DMPK: variants seen among roughly 807,000 people sequenced by gnomAD.
DMPK encodes the protein DM1 protein kinase.
DMPK carries 32 observed loss-of-function variants against 70.3 expected under a neutral mutation model. The observed-to-expected ratio is 0.46, with a 90% CI of 0.34 to 0.61. The LOEUF is 0.61. DMPK is among the 20% of genes least tolerant of loss of function. The probability of loss-of-function intolerance (pLI) is 0.01; values close to 1 mark genes in which losing one functional copy is unlikely to be tolerated. For synonymous variants in DMPK, 469 were observed against 390.9 expected (o/e 1.20, Z -2.36); for missense variants, 899 against 886.0 (o/e 1.01, Z -0.19).
intron 8 of DMPK, chr19:45,776,867 T>G (rs1417104380): frequency 6.3e-6 from 1 of 159,324 alleles, no homozygotes; most frequent in Admixed American, 6.1e-5. Context: ...GGACCAGAGC[T>G]CATCTGGTCC....
At position 45,777,210 on chromosome 19, in the gene DMPK, G is replaced by A. The variant is rs1969819409; in HGVS notation, c.1146+117C>T. 2 of 1,344,692 alleles carry A rather than the reference G, an allele frequency of 1.5e-6. No homozygotes were observed. The highest frequency in any genetic ancestry group is 1.5e-5 in the South Asian group (1 of 65,556). 83.3% of individuals were successfully genotyped at this position (1,344,692 alleles called of 1,614,324 possible). A position where few individuals can be genotyped will look rare whatever the true frequency, so the allele number is the denominator to read the frequency against. ...CTCAGTAGTAGATGGGCACAGAGCAGGTGCTCTGGGGAATGAGTGATTCAG... is the reference window on the plus strand; with the variant it reads ...CTCAGTAGTAGATGGGCACAGAGCAAGTGCTCTGGGGAATGAGTGATTCAG... On this transcript the variant is annotated intron_variant, in intron 8 of 14. Transcript: ENST00000291270. This position sits in a 1 kb window ranked among gnomAD's most constrained non-coding sequence, Gnocchi z 6.7.
intron 1 of DMPK, among the ~76,000 whole-genome samples, chr19:45,781,290 G>C (rs1177067875): frequency 2.0e-5 from 3 of 152,256 alleles, no homozygotes; most frequent in African/African-American, 7.2e-5. Flanking sequence ...AAAGAAACCA[G>C]TGACCAGTGA....
intron 9 of DMPK, among the ~76,000 whole-genome samples, chr19:45,773,090 A>G (rs1969567165): frequency 6.6e-6 from 1 of 152,192 alleles, no homozygotes; most frequent in South Asian, 2.1e-4. Flanking sequence ...GCCTCAGGAC[A>G]GGGAGGCCGA....
At position 45,777,374 on chromosome 19, in the gene DMPK, A is replaced by T; in HGVS notation, c.1099T>A (p.Phe367Ile). ...DFEGATDTCNFDLVEDGLTAM... is the reference protein window; with the variant it reads ...DFEGATDTCNIDLVEDGLTAM... ...GTGAGCCCGTCCTCCACCAAGTCGA[A>T]GTTGCATGTGTCGGTGGCACCTTCG... The change falls in exon 8 of 15, where the codon TTC (phenylalanine) becomes ATC (isoleucine). Residue 367 changes from phenylalanine to isoleucine, a missense_variant. Physicochemically the swap from Phe to Ile is conservative, Grantham distance 21. This residue lies in a region of DMPK where 555 missense variants were observed against 483.8 expected (regional missense o/e 1.15). Transcript: ENST00000291270. The surrounding 1 kb of genome is among the most constrained non-coding windows in gnomAD (Gnocchi z 6.7). The T allele has an allele frequency of 6.2e-7, 1 of 1,607,486 alleles. No homozygotes were observed. Among genetic ancestry groups the T allele is most frequent in the African/African-American group, 1.3e-5 (1 of 74,920 alleles).
chr19:45,774,044 C>A (rs7257693), intron 9 of DMPK, among the ~76,000 whole-genome samples: 1 of 151,450 alleles, frequency 6.6e-6, no homozygotes, highest in Non-Finnish European at 1.5e-5. Context: ...ACAACCTCCC[C>A]CTCCTGGGTT....
At position 45,771,658 on chromosome 19, in the gene DMPK, G is replaced by A. The variant is rs745965249; in HGVS notation, c.1510C>T (p.Arg504Cys). ...TDNQNFASQLREAEARNRDLE... is the reference protein window; with the variant it reads ...TDNQNFASQLCEAEARNRDLE... Reference sequence around the variant, plus strand: ...TCCCGGTTCCGAGCCTCTGCCTCGCGTAGTTGACTGTGGGGAGGTAAGGAC... The same window carrying A: ...TCCCGGTTCCGAGCCTCTGCCTCGCATAGTTGACTGTGGGGAGGTAAGGAC... Residue 504 changes from arginine to cysteine, a missense_variant, in exon 12 of 15, where the codon CGC (arginine) becomes TGC (cysteine). Arg to Cys is a radical substitution (Grantham distance 180). Coordinates refer to ENST00000291270, the MANE Select transcript of DMPK (RefSeq NM_004409.5). 5 of 1,613,810 alleles carry A rather than the reference G, an allele frequency of 3.1e-6. No individual in the cohort carries two copies. The highest frequency in any genetic ancestry group is 3.3e-5 in the Admixed American group (2 of 60,006).
Position 45,777,492 on chromosome 19 carries a change from C to A in DMPK, c.981G>T (p.Arg327=), listed in dbSNP as rs1969837664. Residue 327 remains arginine (R), a synonymous_variant, in exon 8 of 15, where the codon CGG becomes CGT. Transcript: ENST00000291270. This position sits in a 1 kb window ranked among gnomAD's most constrained non-coding sequence, Gnocchi z 6.7. ...LLCPPETRLG[R]GGAGDFRTHP... is the part of the protein sequence containing the mutation. ...GTGTCCGGAAGTCGCCTGCTCCACC[C>A]CGGCCCAGCCGTGTCTCCGGGGGAC... The A allele has an allele frequency of 6.2e-7, 1 of 1,613,380 alleles. No individual in the cohort carries two copies. The highest frequency in any genetic ancestry group is 1.1e-5 in the South Asian group (1 of 91,094).
chr19:45,772,800 C>G (rs368265414), intron 9 of DMPK, 48 bp from the exon 10 acceptor site: 1 of 1,124,644 alleles, frequency 8.9e-7, no homozygotes, highest in South Asian at 2.0e-5. Context: ...TGCTGATTCT[C>G]TGGTGGAGAA....
rs1234540779 is a variant in DMPK at position 45,771,674 on chromosome 19, AG to A, written c.1503-10del. 6.2e-7 allele frequency: 1 copy of A among 1,613,628 alleles called. No homozygotes were observed. Among genetic ancestry groups the A allele is most frequent in the African/African-American group, 1.3e-5 (1 of 74,958 alleles). ...CTGCCTCGCGTAGTTGACTGTGGGG[AG>A]GTAAGGACGGTGAGTCCGTCCGGGC... On this transcript the variant is annotated splice_polypyrimidine_tract_variant and intron_variant, in intron 11 of 14. Coordinates refer to ENST00000291270, the MANE Select transcript of DMPK (RefSeq NM_004409.5).
At chr19:45,781,728 C>G (rs536367261) in intron 1 of DMPK, among the ~76,000 whole-genome samples, 1 of 152,292 alleles carries the variant, frequency 6.6e-6, no homozygotes, top group Admixed American at 6.5e-5. Flanking sequence ...AGGCTGGCGC[C>G]GAACACCTGC....
Position 45,770,693 on chromosome 19 carries a change from G to A in DMPK, c.1738-53C>T. 2.6e-6 allele frequency: 4 copies of A among 1,532,360 alleles called. No homozygotes were observed. The South Asian group carries it at 3.7e-5, about 14-fold the overall frequency. The allele number at this position is 1,532,360 out of a possible 1,614,324, so 94.9% of individuals were successfully genotyped here. On this transcript the variant is annotated intron_variant, in intron 14 of 14. Transcript: ENST00000291270. ...CGGCATGGGCCTCTGATTGGCTCCT[G>A]GGACTCGCCCCGCCTACGCCCATAG...
intron 11 of DMPK, 27 bp downstream of exon 11, chr19:45,771,744 G>T (rs1259653952): frequency 6.3e-7 from 1 of 1,583,278 alleles, no homozygotes; most frequent in Non-Finnish European, 8.6e-7. Flanking sequence ...CCCGCATCCC[G>T]GCCCCGGCCC....
rs1394476002 is a variant in DMPK, at chr19:45,771,655, C to T, written c.1513G>A (p.Glu505Lys). ...DNQNFASQLREAEARNRDLEA... is the reference protein window; with the variant it reads ...DNQNFASQLRKAEARNRDLEA... ...AGGTCCCGGTTCCGAGCCTCTGCCT[C>T]GCGTAGTTGACTGTGGGGAGGTAAG... Residue 505 changes from glutamate (E) to lysine (K), a missense_variant, in exon 12 of 15, where the codon GAG (glutamate) becomes AAG (lysine). Physicochemically the swap from Glu to Lys is moderately conservative, Grantham distance 56 (BLOSUM62 1). This residue lies in a region of DMPK where 555 missense variants were observed against 483.8 expected (regional missense o/e 1.15). Transcript: ENST00000291270. 6.8e-6 allele frequency: 11 copies of T among 1,613,842 alleles called. No individual in the cohort carries two copies. The highest frequency in any genetic ancestry group is 3.3e-4 in the Middle Eastern group (2 of 6,084).
intron 10 of DMPK, chr19:45,772,229 A>C (rs1969501758): frequency 2.4e-6 from 1 of 423,494 alleles, no homozygotes; most frequent in Non-Finnish European, 4.2e-6. Flanking sequence ...CCCTCACGAC[A>C]AAAGGCCTTG....
Position 45,770,317 on chromosome 19 carries a change from C to T in DMPK, c.*171G>A, listed in dbSNP as rs1969302509. ...CCCCGTTCGCCGGCCGCGGACCCGG[C>T]CCCTCCCTCCCCGGCCGCTAGGGGG... On this transcript the variant is annotated 3_prime_UTR_variant, in exon 15 of 15. Transcript: ENST00000291270. 4 of 917,002 alleles carry T rather than the reference C, an allele frequency of 4.4e-6. No homozygotes were observed. 56.8% of individuals were successfully genotyped at this position (917,002 alleles called of 1,614,324 possible).
At chr19:45,774,767 C>T (rs1969683564) in intron 9 of DMPK, among the ~76,000 whole-genome samples, 182 bp downstream of exon 9, 2 of 152,216 alleles carry the variant, frequency 1.3e-5, no homozygotes, top group African/African-American at 4.8e-5. Context: ...TTCAATCTAA[C>T]ATTTTGAAGT....
chr19:45,772,590 C>A, intron 10 of DMPK, 51 bp downstream of exon 10: 1 of 1,312,040 alleles, frequency 7.6e-7, no homozygotes, highest in Non-Finnish European at 1.0e-6. Flanking sequence ...AAGCCCTCAC[C>A]TTTTCTCTCC....
Position 45,778,589 on chromosome 19 carries a change from T to G in DMPK, c.485A>C (p.Lys162Thr), listed in dbSNP as rs1432137142. 6.2e-7 allele frequency: 1 copy of G among 1,613,944 alleles called. No individual in the cohort carries two copies. The highest frequency in any genetic ancestry group is 1.3e-5 in the African/African-American group (1 of 75,032). The change falls in exon 5 of 15, where the codon AAG becomes ACG. Residue 162 changes from lysine to threonine, a missense_variant. Lys to Thr is a moderately conservative substitution (Grantham distance 78, BLOSUM62 -1). Coordinates refer to ENST00000291270, the MANE Select transcript of DMPK (RefSeq NM_004409.5). Reference protein sequence around the residue: ...VGGDLLTLLSKFGERIPAEMA... With the variant: ...VGGDLLTLLSTFGERIPAEMA... The stretch of plus-strand genomic sequence containing the variant: ...CTCGGCCGGAATCCGCTCCCCAAAC[T>G]TGCTCAGCAGTGTCAGCAGGTCCCC...
chr19:45,779,198 A>G lies in DMPK; in HGVS notation c.432+66T>C, dbSNP rs771541491. The G allele has an allele frequency of 3.2e-4, 493 of 1,521,258 alleles. 1 individual carries two copies. The highest frequency in any genetic ancestry group is 7.2e-4 in the South Asian group (64 of 89,108). The allele number at this position is 1,521,258 out of a possible 1,614,324, so 94.2% of individuals were successfully genotyped here. On this transcript the variant is annotated intron_variant, in intron 4 of 14. Coordinates refer to ENST00000291270, the MANE Select transcript of DMPK (RefSeq NM_004409.5). ...CCCAATCCTAGAGCTTCCTCTCCCC[A>G]CCTCCTCGTCCAGTGACAGCACGGG...
Sources: gnomAD v4.1 joint callset for allele counts (sites outside exome capture counted in the v4.1 genomes callset) on GRCh38, gnomAD v4.1.1 for gene constraint, gnomAD v4.1.1 regional missense constraint, Gnocchi (gnomAD v3.1) non-coding constraint, MANE v1.5 for transcripts, NCBI Gene and HGNC (gene_info 2026-07-23, HGNC 2026-07-21) for gene names.